The following NAALADL2 variants were observed in gnomAD, a reference collection of about 807,000 sequenced individuals.
NAALADL2 encodes inactive N-acetylated-alpha-linked acidic dipeptidase-like protein 2.
NAALADL2 carries 76 observed loss-of-function variants against 87.2 expected under a neutral mutation model. The observed-to-expected ratio is 0.87, with a 90% CI of 0.72 to 1.05. The LOEUF (loss-of-function observed/expected upper bound fraction) is 1.05. NAALADL2 is among the 50% of genes least tolerant of loss of function. The pLI is 0.00. For missense variants in NAALADL2, 1,089 were observed against 945.8 expected, an observed-to-expected ratio of 1.15 and a Z score of -1.99; for synonymous variants, 354 against 331.0, an observed-to-expected ratio of 1.07 and a Z score of -0.75.
At position 174,885,899 on chromosome 3, in the gene NAALADL2, T is replaced by G. The variant is rs1458053676; in HGVS notation, c.43+26449T>G. ...TTGTTTTTTTTTTTTTTTTTTTTTT[T>G]TTTTTTTTTTTTTTTTTTTTTTTTT... On this transcript the variant is annotated intron_variant, in intron 1 of 13. Transcript: ENST00000454872. Among the ~76,000 whole-genome samples, 66 of 34,240 alleles carry G rather than the reference T, an allele frequency of 1.9e-3. 2 individuals carry two copies. The highest frequency in any genetic ancestry group is 0.011 in the Middle Eastern group (1 of 90). 22.5% of individuals were successfully genotyped at this position (34,240 alleles called of 152,430 possible). A position where few individuals can be genotyped will look rare whatever the true frequency, so the allele number is the denominator to read the frequency against.
intron 2 of NAALADL2, among the ~76,000 whole-genome samples, chr3:175,122,774 G>A (rs553827825): frequency 6.6e-6 from 1 of 151,934 alleles, no homozygotes; most frequent in African/African-American, 2.4e-5. Context: ...GTCTCAATCT[G>A]TTTTGTGCAG....
intron 1 of NAALADL2, among the ~76,000 whole-genome samples, chr3:175,075,850 A>T (rs1303801570): frequency 6.6e-6 from 1 of 152,190 alleles, no homozygotes; most frequent in Non-Finnish European, 1.5e-5. Context: ...TAAAATAGAA[A>T]AAAAGTCTAA....
chr3:175,169,310 A>G (rs1734442256), intron 2 of NAALADL2, among the ~76,000 whole-genome samples: 1 of 151,642 alleles, frequency 6.6e-6, no homozygotes, highest in African/African-American at 2.4e-5. Flanking sequence ...AGAGAAAAAT[A>G]TATTTCTGAA....
intron 1 of NAALADL2, among the ~76,000 whole-genome samples, chr3:175,015,396 TGCCATTAGA>T (rs1750680037): frequency 1.3e-5 from 2 of 152,154 alleles, no homozygotes; most frequent in South Asian, 4.1e-4. Context: ...AAGCCTGTTC[TGCCATTAGA>T]GAAGTGCATT....
intron 2 of NAALADL2, among the ~76,000 whole-genome samples, chr3:175,151,635 A>G (rs766955650): frequency 8.0e-4 from 122 of 152,058 alleles, no homozygotes; most frequent in Non-Finnish European, 1.7e-3. Context: ...ACAAACAAAC[A>G]AACAACAACA....
At chr3:175,225,091 A>G (rs1743963656) in intron 2 of NAALADL2, among the ~76,000 whole-genome samples, 1 of 152,174 alleles carries the variant, frequency 6.6e-6, no homozygotes, top group Admixed American at 6.6e-5. Context: ...GTAAGTTCTT[A>G]CTAGTTTTAA....
intron 1 of NAALADL2, among the ~76,000 whole-genome samples, chr3:174,483,541 G>A (rs1341523261): frequency 6.6e-6 from 1 of 152,008 alleles, no homozygotes; most frequent in Non-Finnish European, 1.5e-5. Context: ...AGATTTGGAT[G>A]GGGACACAAA....
At chr3:175,174,364 G>A (rs746680570) in intron 2 of NAALADL2, among the ~76,000 whole-genome samples, 10 of 152,028 alleles carry the variant, frequency 6.6e-5, no homozygotes, top group Non-Finnish European at 1.2e-4. Context: ...TTGGGCATTA[G>A]CACATCTTGA....
chr3:175,191,000 A>G (rs756676183), intron 2 of NAALADL2, among the ~76,000 whole-genome samples: 1 of 146,768 alleles, frequency 6.8e-6, no homozygotes, highest in South Asian at 2.2e-4. Context: ...AAAAAAAAAG[A>G]AAAAGAAAAG....
At chr3:175,560,453 ATTTCG>A (rs1716090052) in intron 9 of NAALADL2, among the ~76,000 whole-genome samples, 1 of 150,980 alleles carries the variant, frequency 6.6e-6, no homozygotes, top group South Asian at 2.1e-4. Flanking sequence ...TATTGTTTTT[ATTTCG>A]TTTCAATTTC....
chr3:175,013,267 T>TTATATG, intron 1 of NAALADL2, among the ~76,000 whole-genome samples: 1 of 109,226 alleles, frequency 9.2e-6, no homozygotes, highest in Admixed American at 1.1e-4. Context: ...ACATATATTT[T>TTATATG]TATATATATA....
At chr3:174,953,472 C>G (rs1245455741) in intron 1 of NAALADL2, among the ~76,000 whole-genome samples, 3 of 151,498 alleles carry the variant, frequency 2.0e-5, no homozygotes, top group Admixed American at 6.6e-5. Context: ...TCAAATAAAT[C>G]TCAGGAGGTG....
chr3:174,718,326 T>C (rs1228722672), intron 2 of NAALADL2, among the ~76,000 whole-genome samples: 1 of 152,210 alleles, frequency 6.6e-6, no homozygotes, highest in Non-Finnish European at 1.5e-5. Flanking sequence ...AAGACCATTC[T>C]GCAAGTAAAG....
At chr3:174,479,386 C>T (rs77600540) in intron 1 of NAALADL2, among the ~76,000 whole-genome samples, 9,007 of 152,148 alleles carry the variant, frequency 0.059, 363 homozygotes, top group Non-Finnish European at 0.091. Flanking sequence ...ACATCATTAT[C>T]ACTATTTTTC....
intron 4 of NAALADL2, among the ~76,000 whole-genome samples, chr3:175,299,146 G>A (rs1756726488): frequency 6.6e-6 from 1 of 152,168 alleles, no homozygotes; most frequent in South Asian, 2.1e-4. Context: ...TTTGGTACCA[G>A]TACCATGCGG....
intron 9 of NAALADL2, among the ~76,000 whole-genome samples, chr3:175,475,568 C>T (rs1725578009): frequency 1.3e-5 from 2 of 152,134 alleles, no homozygotes; most frequent in Non-Finnish European, 2.9e-5. Flanking sequence ...GGAAAACCTG[C>T]AGCATTTGCA....
intron 1 of NAALADL2, among the ~76,000 whole-genome samples, chr3:175,071,455 G>C (rs1178170216): frequency 1.3e-5 from 2 of 151,954 alleles, no homozygotes; most frequent in Admixed American, 1.3e-4. Flanking sequence ...TGTTATGTCA[G>C]TTGTGTGCAT....
intron 3 of NAALADL2, among the ~76,000 whole-genome samples, chr3:174,805,040 T>A (rs140083429): frequency 6.6e-6 from 1 of 152,170 alleles, no homozygotes; most frequent in East Asian, 1.9e-4. Flanking sequence ...TTTCTTGTCA[T>A]AGATTATTTG....
intron 1 of NAALADL2, among the ~76,000 whole-genome samples, chr3:175,069,841 G>T (rs1715270504): frequency 6.7e-6 from 1 of 149,074 alleles, no homozygotes; most frequent in Non-Finnish European, 1.5e-5. Context: ...CATAAAAAAT[G>T]ATGAGTTCAT....
Sources: allele counts gnomAD v4.1 joint callset (sites outside exome capture counted in the v4.1 genomes callset), GRCh38; gene constraint gnomAD v4.1.1; transcripts MANE v1.5; gene names NCBI Gene and HGNC (gene_info 2026-07-23, HGNC 2026-07-21).